SLC9A9: variants seen among roughly 807,000 people sequenced by gnomAD.
SLC9A9 encodes the protein sodium/hydrogen exchanger 9.
In SLC9A9, 62 loss-of-function variants were observed where a neutral mutation model predicts 77.8. The observed-to-expected ratio is 0.80, with a 90% CI of 0.65 to 0.98. The LOEUF is 0.98. SLC9A9 is among the 50% of genes least tolerant of loss of function. The pLI is 0.00. For synonymous variants in SLC9A9, 320 were observed against 283.5 expected (o/e 1.13, Z -1.29); for missense variants, 775 against 774.9 (o/e 1.00, Z 0.00).
chr3:143,333,179 A>G (rs2031826710), intron 14 of SLC9A9, among the ~76,000 whole-genome samples: 1 of 150,604 alleles, frequency 6.6e-6, no homozygotes, highest in African/African-American at 2.4e-5. Context: ...TGTCCTGCCT[A>G]TGTGTGCTTT....
At position 143,294,583 on chromosome 3, in the gene SLC9A9, T is replaced by C. The variant is rs112547497; in HGVS notation, c.1605-25603A>G. Among the ~76,000 whole-genome samples, 17 of 152,312 alleles carry C rather than the reference T, an allele frequency of 1.1e-4. 2 individuals are homozygous for C. The highest frequency in any genetic ancestry group is 4.1e-4 in the African/African-American group (17 of 41,572). ...CAAATAATGCAAGAAAATACATTTA[T>C]AGACAAAGGAGGGCCTGGAGGGGTA... is the stretch of plus-strand genomic sequence containing the variant. On this transcript the variant is annotated intron_variant, in intron 14 of 15. Coordinates refer to ENST00000316549, the MANE Select transcript of SLC9A9 (RefSeq NM_173653.4).
intron 2 of SLC9A9, among the ~76,000 whole-genome samples, chr3:143,799,702 G>C (rs1305996695): frequency 6.6e-6 from 1 of 152,210 alleles, no homozygotes; most frequent in Non-Finnish European, 1.5e-5. Flanking sequence ...CTGGAACTCT[G>C]GCCCAAGGCT....
intron 4 of SLC9A9, among the ~76,000 whole-genome samples, chr3:143,749,646 T>C (rs1197356810): frequency 1.3e-5 from 2 of 152,236 alleles, no homozygotes; most frequent in African/African-American, 2.4e-5. Context: ...GAATGGTTAC[T>C]TGGGATAAAA....
chr3:143,380,996 C>T (rs1474490444), intron 13 of SLC9A9, among the ~76,000 whole-genome samples: 1 of 152,194 alleles, frequency 6.6e-6, no homozygotes, highest in African/African-American at 2.4e-5. Flanking sequence ...CCTATTATAT[C>T]TATGTCTGCC....
intron 9 of SLC9A9, among the ~76,000 whole-genome samples, chr3:143,544,975 T>C (rs1324076866): frequency 1.3e-5 from 2 of 152,100 alleles, no homozygotes; most frequent in African/African-American, 2.4e-5. Flanking sequence ...CAGATGGGTG[T>C]AGTAGGTGTG....
intron 2 of SLC9A9, among the ~76,000 whole-genome samples, chr3:143,824,932 C>T (rs114765250): frequency 0.014 from 2,152 of 152,244 alleles, 41 homozygotes; most frequent in African/African-American, 0.047. Context: ...CTGCATCCGC[C>T]CAAACAGCCT....
chr3:143,621,471 C>G (rs1413441346), intron 6 of SLC9A9, among the ~76,000 whole-genome samples: 1 of 152,228 alleles, frequency 6.6e-6, no homozygotes, highest in Non-Finnish European at 1.5e-5. Flanking sequence ...ATCCGCTGTT[C>G]TGCAGCCTCC....
chr3:143,538,549 C>T (rs753059586), intron 9 of SLC9A9, among the ~76,000 whole-genome samples: 53 of 152,144 alleles, frequency 3.5e-4, no homozygotes, highest in Non-Finnish European at 6.0e-4. Flanking sequence ...AAGACCTCGG[C>T]ACTAGTCACA....
chr3:143,314,849 G>C (rs1364671354), intron 14 of SLC9A9, among the ~76,000 whole-genome samples: 1 of 152,224 alleles, frequency 6.6e-6, no homozygotes, highest in East Asian at 1.9e-4. Flanking sequence ...TGGGGCAAGA[G>C]CCACACTCTT....
intron 4 of SLC9A9, among the ~76,000 whole-genome samples, chr3:143,758,142 G>A (rs1464396867): frequency 1.3e-5 from 2 of 152,074 alleles, no homozygotes; most frequent in Non-Finnish European, 2.9e-5. Flanking sequence ...ATAACACTCA[G>A]TTCTACATAA....
chr3:143,400,521 T>C (rs1026658012), intron 12 of SLC9A9, among the ~76,000 whole-genome samples: 7 of 151,958 alleles, frequency 4.6e-5, no homozygotes, highest in Non-Finnish European at 7.4e-5. Flanking sequence ...ACATTGAACA[T>C]TGGGGAGTCA....
intron 12 of SLC9A9, among the ~76,000 whole-genome samples, chr3:143,417,544 T>G: frequency 5.8e-5 from 8 of 138,318 alleles, no homozygotes; most frequent in African/African-American, 1.1e-4. Context: ...AAGGGATGGA[T>G]GGAGGGAGGG....
In SLC9A9 at chr3:143,511,973, T is replaced by C. The variant is rs376083172; in HGVS notation, c.1090-16525A>G. On this transcript the variant is annotated intron_variant, in intron 9 of 15. Coordinates refer to ENST00000316549, the MANE Select transcript of SLC9A9 (RefSeq NM_173653.4). ...TCACCTTGTGGTAAATCAAACTGAA[T>C]ACTCCAAAAAAAGGGTAAAGTCACA... 3.9e-4 allele frequency among the ~76,000 whole-genome samples: 59 copies of C among 152,216 alleles called. No individual in the cohort carries two copies. In the South Asian group the frequency reaches 0.012, roughly 31 times the overall value.
At chr3:143,784,365 C>T (rs1241784327) in intron 4 of SLC9A9, among the ~76,000 whole-genome samples, 1 of 152,100 alleles carries the variant, frequency 6.6e-6, no homozygotes, top group Non-Finnish European at 1.5e-5. Flanking sequence ...GAGGCATTCA[C>T]TATAAACTGG....
intron 4 of SLC9A9, among the ~76,000 whole-genome samples, chr3:143,728,881 G>A (rs1026950340): frequency 6.6e-5 from 10 of 151,846 alleles, no homozygotes; most frequent in African/African-American, 9.7e-5. Flanking sequence ...CTGATATGGT[G>A]GAGATACATT....
intron 4 of SLC9A9, among the ~76,000 whole-genome samples, chr3:143,696,376 C>T (rs56777950): frequency 0.43 from 65,011 of 152,050 alleles, 14,096 homozygotes; most frequent in South Asian, 0.6. Context: ...GCTAAAGGCA[C>T]AAATTATATC....
At chr3:143,748,724 T>G (rs1576699943) in intron 4 of SLC9A9, among the ~76,000 whole-genome samples, 1 of 130,664 alleles carries the variant, frequency 7.7e-6, no homozygotes, top group South Asian at 2.5e-4. Context: ...TGAGACGGAG[T>G]CTCGCTCTGT....
intron 8 of SLC9A9, among the ~76,000 whole-genome samples, chr3:143,562,928 G>A (rs2037110359): frequency 1.3e-5 from 2 of 151,832 alleles, no homozygotes; most frequent in African/African-American, 4.8e-5. Context: ...GAAATCAGGA[G>A]GTGGCCTACA....
intron 14 of SLC9A9, among the ~76,000 whole-genome samples, chr3:143,337,839 C>T (rs2031975025): frequency 6.6e-6 from 1 of 152,188 alleles, no homozygotes; most frequent in African/African-American, 2.4e-5. Flanking sequence ...TCTTCCTAGA[C>T]TTGTGTCCTT....
Sources: gnomAD v4.1 joint callset for allele counts (sites outside exome capture counted in the v4.1 genomes callset) on GRCh38, gnomAD v4.1.1 for gene constraint, MANE v1.5 for transcripts, NCBI Gene and HGNC (gene_info 2026-07-23, HGNC 2026-07-21) for gene names.